IKBKE: variants seen among roughly 807,000 people sequenced by gnomAD.
The protein encoded by IKBKE is inhibitor of nuclear factor kappa B kinase subunit epsilon, also known as inhibitor of nuclear factor kappa-B kinase subunit epsilon.
A neutral mutation model predicts 92.1 loss-of-function variants in IKBKE; 45 were observed. That is an observed-to-expected ratio of 0.49 (90% CI 0.38 to 0.63). The LOEUF (loss-of-function observed/expected upper bound fraction) is 0.63, where lower values mean the gene tolerates loss of function less well. IKBKE is among the 20% of genes least tolerant of loss of function. IKBKE has a pLI of 0.00. For synonymous variants in IKBKE, 374 were observed against 380.3 expected, an observed-to-expected ratio of 0.98 and a Z score of 0.19; for missense variants, 700 against 932.8, an observed-to-expected ratio of 0.75 and a Z score of 3.25.
intron 10 of IKBKE, 53 bp downstream of exon 10, chr1:206,479,186 G>C: frequency 2.1e-6 from 3 of 1,445,136 alleles, no homozygotes; most frequent in Non-Finnish European, 2.8e-6. Flanking sequence ...TTTCCTCTGA[G>C]ACAGGAGTTT....
At position 206,476,172 on chromosome 1, in the gene IKBKE, T is replaced by A; in HGVS notation, c.359-9T>A. 1 of 1,613,804 alleles carries A rather than the reference T, an allele frequency of 6.2e-7. No homozygotes were observed. Among genetic ancestry groups the A allele is most frequent in the Non-Finnish European group, 8.5e-7 (1 of 1,179,962 alleles). ...AGAGCCAGCTAGTGGCCTCCCCGTC[T>A]GTCCCCAGTGGCCGGCATGAACCAC... On this transcript the variant is annotated splice_polypyrimidine_tract_variant and intron_variant, in intron 5 of 21. Transcript: ENST00000581977. This position sits in a 1 kb window ranked among gnomAD's most constrained non-coding sequence, Gnocchi z 5.1.
chr1:206,493,516 G>A lies in IKBKE; in HGVS notation c.2045+138G>A, dbSNP rs539659002. ...AAGATTAAAGAGACTAGCTGGGTGC[G>A]GTGGCTCACACCTGTAATCCCAGCA... is the stretch of plus-strand genomic sequence containing the variant. On this transcript the variant is annotated intron_variant, in intron 20 of 21. Coordinates refer to ENST00000581977, the MANE Select transcript of IKBKE (RefSeq NM_014002.4). The A allele has an allele frequency of 6.0e-4, 389 of 644,618 alleles. 2 individuals carry two copies. The highest frequency in any genetic ancestry group is 9.6e-4 in the Non-Finnish European group (359 of 372,298). The allele number at this position is 644,618 out of a possible 1,614,324, so 39.9% of individuals were successfully genotyped here.
At position 206,487,932 on chromosome 1, in the gene IKBKE, C is replaced by T. The variant is rs782202222; in HGVS notation, c.1635C>T (p.Cys545=). ...HEDRSIQQIQ[C]CLDKMNFIYK... is the part of the protein sequence containing the mutation. ...CCCACAGCATCCAGCAGATTCAGTG[C>T]TGTTTGGACAAGATGAACTTCATCT... The change falls in exon 16 of 22, where the codon TGC becomes TGT. Residue 545 remains cysteine, a synonymous_variant. Transcript: ENST00000581977. This position sits in a 1 kb window ranked among gnomAD's most constrained non-coding sequence, Gnocchi z 5.3. The T allele has an allele frequency of 3.1e-6, 5 of 1,613,606 alleles. No homozygotes were observed. The highest frequency in any genetic ancestry group is 4.2e-6 in the Non-Finnish European group (5 of 1,179,834).
intron 13 of IKBKE, among the ~76,000 whole-genome samples, chr1:206,484,632 A>C (rs1665562528): frequency 6.6e-6 from 1 of 152,262 alleles, no homozygotes; most frequent in African/African-American, 2.4e-5. Context: ...GCTATTGGTT[A>C]TCAAGAAATA....
At chr1:206,472,389 C>T (rs1664822563) in intron 2 of IKBKE, among the ~76,000 whole-genome samples, 1 of 152,174 alleles carries the variant, frequency 6.6e-6, no homozygotes, top group Non-Finnish European at 1.5e-5. Flanking sequence ...TCTGAGGATA[C>T]ACTTTCTGGT....
chr1:206,471,602 G>A (rs1664775931), intron 2 of IKBKE, among the ~76,000 whole-genome samples: 1 of 152,140 alleles, frequency 6.6e-6, no homozygotes, highest in Admixed American at 6.5e-5. Context: ...TCCAACCCCA[G>A]CCCCAGCCCC....
chr1:206,473,190 C>T lies in IKBKE; in HGVS notation c.-32-6C>T. The T allele has an allele frequency of 6.5e-7, 1 of 1,545,134 alleles. No homozygotes were observed. The highest frequency in any genetic ancestry group is 8.9e-7 in the Non-Finnish European group (1 of 1,125,306). On this transcript the variant is annotated splice_polypyrimidine_tract_variant and splice_region_variant and intron_variant, in intron 2 of 21. Transcript: ENST00000581977. ...ATCCTGGGCCCCCAGCATGCTCTTT[C>T]TCTAGGCAGAAGGTGACCAGCCAGC...
intron 2 of IKBKE, among the ~76,000 whole-genome samples, chr1:206,471,720 G>A (rs190053192): frequency 6.6e-6 from 1 of 152,318 alleles, no homozygotes; most frequent in East Asian, 1.9e-4. Flanking sequence ...AGTTGCTTCT[G>A]TGTAATGTCC....
At chr1:206,484,946 T>C (rs1553388191) in intron 13 of IKBKE, 51 bp from the exon 14 acceptor site, 1 of 1,470,784 alleles carries the variant, frequency 6.8e-7, no homozygotes, top group African/African-American at 1.4e-5. Flanking sequence ...GCCTCCCACC[T>C]TGGCTGCTCC....
chr1:206,493,320 G>T lies in IKBKE; in HGVS notation c.1987G>T (p.Ala663Ser). Residue 663 changes from alanine to serine, a missense_variant, in exon 20 of 22, where the codon GCC (alanine) becomes TCC (serine). Physicochemically the swap from Ala to Ser is moderately conservative, Grantham distance 99. Coordinates refer to ENST00000581977, the MANE Select transcript of IKBKE (RefSeq NM_014002.4). Reference protein sequence around the residue: ...LLQDRAKGAQASPPPIAPYPS... With the variant: ...LLQDRAKGAQSSPPPIAPYPS... ...TCAGGACCGAGCAAAGGGGGCTCAG[G>T]CCTCGCCGCCTCCCATAGCTCCTTA... 1 of 1,614,042 alleles carries T rather than the reference G, an allele frequency of 6.2e-7. No individual in the cohort carries two copies. Among genetic ancestry groups the T allele is most frequent in the East Asian group, 2.2e-5 (1 of 44,872 alleles).
chr1:206,480,454 C>T lies in IKBKE; in HGVS notation c.1348C>T (p.Leu450Phe), dbSNP rs1336309654. 2 of 1,613,430 alleles carry T rather than the reference C, an allele frequency of 1.2e-6. No homozygotes were observed. Among genetic ancestry groups the T allele is most frequent in the East Asian group, 2.2e-5 (1 of 44,884 alleles). Reference sequence around the variant, plus strand: ...CAGTCTCCCCTTGGACAGGGAGGTGCTCCAGGCCACATGCAGACGGACTCT... The same window carrying T: ...CAGTCTCCCCTTGGACAGGGAGGTGTTCCAGGCCACATGCAGACGGACTCT... ...FRGLHWVMEV[L>F]QATCRRTLEV... Residue 450 changes from leucine to phenylalanine, a missense_variant, in exon 13 of 22, where the codon CTC (leucine) becomes TTC (phenylalanine). Physicochemically the swap from Leu to Phe is conservative, Grantham distance 22. Coordinates refer to ENST00000581977, the MANE Select transcript of IKBKE (RefSeq NM_014002.4).
chr1:206,483,477 G>A (rs1294709957), intron 13 of IKBKE, among the ~76,000 whole-genome samples: 2 of 152,282 alleles, frequency 1.3e-5, no homozygotes, highest in South Asian at 2.1e-4. Context: ...GGCACGAGAC[G>A]TACGAGGAGC....
At position 206,491,640 on chromosome 1, in the gene IKBKE, C is replaced by A; in HGVS notation, c.1734-8C>A. ...GCTCATCTGCACCTTGGTTCTCTGT[C>A]GTTCTAGGGTGAATTTCAGTCATTT... is the stretch of plus-strand genomic sequence containing the variant. On this transcript the variant is annotated splice_region_variant and splice_polypyrimidine_tract_variant and intron_variant, in intron 17 of 21. Coordinates refer to ENST00000581977, the MANE Select transcript of IKBKE (RefSeq NM_014002.4). The A allele has an allele frequency of 6.2e-7, 1 of 1,605,824 alleles. No homozygotes were observed. Among genetic ancestry groups the A allele is most frequent in the South Asian group, 1.1e-5 (1 of 90,818 alleles).
rs1385867570 is a variant in IKBKE, at chr1:206,472,570, T to TAC, written c.-32-613_-32-612dup. Among the ~76,000 whole-genome samples the TAC allele has an allele frequency of 9.5e-5, 13 of 137,332 alleles. No homozygotes were observed. In the East Asian group the frequency reaches 1.2e-3, roughly 13 times the overall value. The allele number at this position is 137,332 out of a possible 152,430, so 90.1% of individuals were successfully genotyped here. A position where few individuals can be genotyped will look rare whatever the true frequency, so the allele number is the denominator to read the frequency against. On this transcript the variant is annotated intron_variant, in intron 2 of 21. Coordinates refer to ENST00000581977, the MANE Select transcript of IKBKE (RefSeq NM_014002.4). ...CCTTCTCCCCAACGCCCTACACACA[T>TAC]ACACACACACACACTCTCACACACA...
chr1:206,475,382 G>A (rs1665003713), intron 5 of IKBKE, among the ~76,000 whole-genome samples: 1 of 152,188 alleles, frequency 6.6e-6, no homozygotes, highest in African/African-American at 2.4e-5. Flanking sequence ...TACCATGGTG[G>A]TTTCCAGTGG....
At chr1:206,471,425 G>A (rs1389365293) in intron 2 of IKBKE, among the ~76,000 whole-genome samples, 180 bp downstream of exon 2, 1 of 152,160 alleles carries the variant, frequency 6.6e-6, no homozygotes, top group Admixed American at 6.5e-5. Context: ...AGAGCGTGCA[G>A]AGTTAAGCCA....
intron 3 of IKBKE, 47 bp downstream of exon 3, chr1:206,473,361 C>G: frequency 7.1e-7 from 1 of 1,403,326 alleles, no homozygotes; most frequent in Non-Finnish European, 9.9e-7. Flanking sequence ...GCCTTGGCCC[C>G]CTCATGCCTC....
intron 5 of IKBKE, 164 bp downstream of exon 5, chr1:206,475,158 AT>A: frequency 1.4e-6 from 1 of 708,732 alleles, no homozygotes; most frequent in Non-Finnish European, 2.2e-6. Context: ...CAGCAGCATT[AT>A]TTACAATAGC....
In IKBKE at chr1:206,487,923, G is replaced by A. The variant is rs2103477190; in HGVS notation, c.1626G>A (p.Gln542=). The change falls in exon 16 of 22, where the codon CAG becomes CAA. Residue 542 remains glutamine (Q), a synonymous_variant. Transcript: ENST00000581977. The surrounding 1 kb of genome is among the most constrained non-coding windows in gnomAD (Gnocchi z 5.3). ...TGTCTCCTGCCCACAGCATCCAGCA[G>A]ATTCAGTGCTGTTTGGACAAGATGA... ...DQVHEDRSIQ[Q]IQCCLDKMNF... is the part of the protein sequence containing the mutation. 6.2e-7 allele frequency: 1 copy of A among 1,613,560 alleles called. No individual in the cohort carries two copies. Among genetic ancestry groups the A allele is most frequent in the South Asian group, 1.1e-5 (1 of 90,928 alleles).
Sources: gnomAD v4.1 joint callset for allele counts (sites outside exome capture counted in the v4.1 genomes callset) on GRCh38, gnomAD v4.1.1 for gene constraint, Gnocchi (gnomAD v3.1) non-coding constraint, MANE v1.5 for transcripts, NCBI Gene and HGNC (gene_info 2026-07-23, HGNC 2026-07-21) for gene names.